Variants in CCSER1 observed in about 807,000 individuals in gnomAD.
CCSER1 encodes coiled-coil serine rich protein 1, also known as serine-rich coiled-coil domain-containing protein 1.
A neutral mutation model predicts 82.0 loss-of-function variants in CCSER1; 41 were observed. The ratio of observed to expected loss-of-function variants is 0.50; its 90% CI spans 0.39 to 0.65. The LOEUF is 0.65. Ranked by LOEUF, CCSER1 falls within the 30% of genes least tolerant of loss-of-function variation. The pLI, the probability that CCSER1 is intolerant of heterozygous loss-of-function variation, is 0.00. For synonymous variants in CCSER1, 414 were observed against 383.9 expected (o/e 1.08, Z -0.92); for missense variants, 1,119 against 1,064.2 (o/e 1.05, Z -0.72).
chr4:90,450,778 G>C (rs1761338808), intron 4 of CCSER1, among the ~76,000 whole-genome samples: 1 of 152,184 alleles, frequency 6.6e-6, no homozygotes, highest in Non-Finnish European at 1.5e-5. Flanking sequence ...CCAGTGCTAA[G>C]TCCCCTGGGT....
At chr4:90,866,317 C>A (rs900460417) in intron 8 of CCSER1, among the ~76,000 whole-genome samples, 40 of 151,874 alleles carry the variant, frequency 2.6e-4, no homozygotes, top group African/African-American at 9.2e-4. Flanking sequence ...GAGTGAGTAG[C>A]CGAAGTAATG....
At chr4:90,782,468 A>T (rs1753902010) in intron 7 of CCSER1, among the ~76,000 whole-genome samples, 1 of 151,884 alleles carries the variant, frequency 6.6e-6, no homozygotes, top group South Asian at 2.1e-4. Context: ...TATTTAAAAA[A>T]CTCTATTAAG....
intron 1 of CCSER1, among the ~76,000 whole-genome samples, chr4:90,244,178 A>G (rs886926117): frequency 6.6e-5 from 10 of 152,214 alleles, no homozygotes; most frequent in Non-Finnish European, 1.3e-4. Context: ...CAGATATTGT[A>G]GGTTAAACAT....
intron 9 of CCSER1, among the ~76,000 whole-genome samples, chr4:91,066,418 T>C (rs1450031899): frequency 1.3e-5 from 2 of 152,156 alleles, no homozygotes; most frequent in African/African-American, 4.8e-5. Context: ...GCAGCCAAGA[T>C]TTTTCCTATG....
intron 1 of CCSER1, among the ~76,000 whole-genome samples, chr4:90,257,299 T>C (rs1461297936): frequency 6.6e-6 from 1 of 152,126 alleles, no homozygotes; most frequent in Non-Finnish European, 1.5e-5. Flanking sequence ...AAATGAGTGC[T>C]TATGATTCTA....
chr4:91,230,044 A>G (rs947015541), intron 10 of CCSER1, among the ~76,000 whole-genome samples: 1 of 152,162 alleles, frequency 6.6e-6, no homozygotes, highest in East Asian at 1.9e-4. Context: ...TCATTCGAGT[A>G]CTAAAGCAAC....
chr4:91,060,358 A>G (rs972177591), intron 9 of CCSER1, among the ~76,000 whole-genome samples: 1 of 152,156 alleles, frequency 6.6e-6, no homozygotes, highest in African/African-American at 2.4e-5. Context: ...TTCTGAAATC[A>G]GTCATTTTTG....
intron 3 of CCSER1, among the ~76,000 whole-genome samples, chr4:90,336,926 C>T (rs1740513747): frequency 6.6e-6 from 1 of 152,136 alleles, no homozygotes. Context: ...CAGACTGGCC[C>T]TAAGCCTAAA....
At chr4:91,344,315 T>C (rs182379489) in intron 10 of CCSER1, among the ~76,000 whole-genome samples, 1 of 152,282 alleles carries the variant, frequency 6.6e-6, no homozygotes, top group East Asian at 1.9e-4. Context: ...CTGTGAGAAA[T>C]TTTTATAAGT....
chr4:90,798,701 A>T (rs1220362630), intron 7 of CCSER1, among the ~76,000 whole-genome samples: 1 of 152,170 alleles, frequency 6.6e-6, no homozygotes, highest in Non-Finnish European at 1.5e-5. Flanking sequence ...TGATTGTGAC[A>T]TTACGTGGAT....
chr4:91,474,795 A>G (rs1390292483), intron 10 of CCSER1, among the ~76,000 whole-genome samples: 31 of 57,950 alleles, frequency 5.3e-4, no homozygotes, highest in Middle Eastern at 0.01. Flanking sequence ...GTGTATATAT[A>G]TATATATATA....
chr4:90,972,634 C>A (rs1735219309), intron 9 of CCSER1, among the ~76,000 whole-genome samples: 1 of 151,514 alleles, frequency 6.6e-6, no homozygotes, highest in Admixed American at 6.6e-5. Context: ...TTACCAAAAT[C>A]TCTTATTTTT....
At chr4:91,179,851 G>A (rs971807814) in intron 10 of CCSER1, among the ~76,000 whole-genome samples, 4 of 152,172 alleles carry the variant, frequency 2.6e-5, no homozygotes, top group Admixed American at 2.6e-4. Context: ...CATTGCTGGC[G>A]AGGAGCTACA....
In CCSER1 at chr4:90,354,904, G is replaced by A. The variant is rs557904702; in HGVS notation, c.1509+41857G>A. 3.3e-5 allele frequency among the ~76,000 whole-genome samples: 5 copies of A among 151,966 alleles called. No homozygotes were observed. The South Asian group carries it at 8.3e-4, about 25-fold the overall frequency. ...ATTCTCCTTCCCAGTGCTCTTTGTG[G>A]TGGTGGTGGTTGTGTTTTGTAACTA... On this transcript the variant is annotated intron_variant, in intron 3 of 10. Coordinates refer to ENST00000509176, the MANE Select transcript of CCSER1 (RefSeq NM_001145065.2).
intron 10 of CCSER1, among the ~76,000 whole-genome samples, chr4:91,551,705 A>G (rs914157920): frequency 2.0e-5 from 3 of 147,026 alleles, no homozygotes; most frequent in African/African-American, 7.7e-5. Flanking sequence ...ACACACAATC[A>G]GTCAAGGCCG....
chr4:91,241,426 C>T (rs1340060606), intron 10 of CCSER1, among the ~76,000 whole-genome samples: 14 of 146,670 alleles, frequency 9.5e-5, no homozygotes, highest in Non-Finnish European at 2.1e-4. Flanking sequence ...CCCAGGTTCA[C>T]GCCATTCTCT....
rs1468701861 is a variant in CCSER1 at position 90,899,651 on chromosome 4, T to TA, written c.2095-23718dup. Among the ~76,000 whole-genome samples the TA allele has an allele frequency of 5.3e-5, 8 of 152,232 alleles. No homozygotes were observed. In the South Asian group the frequency reaches 1.7e-3, roughly 32 times the overall value. On this transcript the variant is annotated intron_variant, in intron 8 of 10. Coordinates refer to ENST00000509176, the MANE Select transcript of CCSER1 (RefSeq NM_001145065.2). The stretch of plus-strand genomic sequence containing the variant: ...TGATGCCTAGATTGTTGAGGGTTTT[T>TA]ATCATGAAAGGATGTTGGATTTTAT...
At chr4:90,561,089 C>T (rs545668905) in intron 5 of CCSER1, among the ~76,000 whole-genome samples, 177 of 152,226 alleles carry the variant, frequency 1.2e-3, no homozygotes, top group Non-Finnish European at 2.1e-3. Flanking sequence ...AGATGTGTTC[C>T]GAAAGCCACT....
intron 9 of CCSER1, among the ~76,000 whole-genome samples, chr4:91,035,023 A>G (rs1031300453): frequency 1.1e-4 from 16 of 152,190 alleles, no homozygotes; most frequent in Admixed American, 1.0e-3. Flanking sequence ...TGTTTCAAAA[A>G]GGGTTTTTTA....
Sources: gnomAD v4.1 joint callset for allele counts (sites outside exome capture counted in the v4.1 genomes callset) on GRCh38, gnomAD v4.1.1 for gene constraint, MANE v1.5 for transcripts, NCBI Gene and HGNC (gene_info 2026-07-23, HGNC 2026-07-21) for gene names.